Variants in PARM1 observed in about 807,000 individuals in gnomAD.
PARM1 encodes the protein WSC4, cell wall integrity and stress response component 4 homolog.
In PARM1, 14 loss-of-function variants were observed where a neutral mutation model predicts 24.6. That is an observed-to-expected ratio of 0.57 (90% CI 0.38 to 0.89). The LOEUF is 0.89. PARM1 is among the 40% of genes least tolerant of loss of function. The pLI is 0.00. For synonymous variants in PARM1, 179 were observed against 156.6 expected, an observed-to-expected ratio of 1.14 and a Z score of -1.07; for missense variants, 362 against 380.4, an observed-to-expected ratio of 0.95 and a Z score of 0.40.
rs145572729 is a variant in PARM1, at chr4:74,965,646, TC to T, written c.43+32277del. Reference sequence around the variant, plus strand: ...GAGCAAAAGTTGCCACATCAAAAAGTCATCTCAAAAACATGACTGTGTGATA... The same window carrying T: ...GAGCAAAAGTTGCCACATCAAAAAGTATCTCAAAAACATGACTGTGTGATA... On this transcript the variant is annotated intron_variant, in intron 1 of 3. Coordinates refer to ENST00000307428, the MANE Select transcript of PARM1 (RefSeq NM_015393.4). 2.6e-3 allele frequency among the ~76,000 whole-genome samples: 402 copies of T among 152,270 alleles called. 2 individuals are homozygous for T. Among genetic ancestry groups the T allele is most frequent in the African/African-American group, 9.0e-3 (374 of 41,548 alleles).
chr4:75,035,981 G>A (rs961186484), intron 3 of PARM1, among the ~76,000 whole-genome samples: 16 of 152,188 alleles, frequency 1.1e-4, no homozygotes, highest in Admixed American at 2.0e-4. Flanking sequence ...CAGATACACC[G>A]TATTTTAATT....
At chr4:75,010,620 G>C (rs1347785523) in intron 1 of PARM1, among the ~76,000 whole-genome samples, 3 of 152,180 alleles carry the variant, frequency 2.0e-5, no homozygotes, top group African/African-American at 7.2e-5. Flanking sequence ...TTGAGGAAGA[G>C]GTGACACAAT....
chr4:74,999,342 C>T (rs1409829102), intron 1 of PARM1, among the ~76,000 whole-genome samples: 1 of 152,202 alleles, frequency 6.6e-6, no homozygotes, highest in Non-Finnish European at 1.5e-5. Context: ...CCAGTCCTTT[C>T]CTTTCAGCAT....
chr4:75,034,513 C>T (rs1404952058), intron 3 of PARM1, among the ~76,000 whole-genome samples: 1 of 152,120 alleles, frequency 6.6e-6, no homozygotes, highest in African/African-American at 2.4e-5. Flanking sequence ...TTTAAAATAT[C>T]TTTTCTCCTA....
At chr4:74,982,967 C>T (rs145738114) in intron 1 of PARM1, among the ~76,000 whole-genome samples, 2 of 152,076 alleles carry the variant, frequency 1.3e-5, no homozygotes. Flanking sequence ...AACACTGCAA[C>T]AGGAAAAAAA....
intron 1 of PARM1, among the ~76,000 whole-genome samples, chr4:74,964,534 T>C (rs2109991144): frequency 6.8e-6 from 1 of 147,352 alleles, no homozygotes; most frequent in Admixed American, 6.7e-5. Context: ...GTAAATCAAC[T>C]CCTTCCACAC....
At position 74,958,032 on chromosome 4, in the gene PARM1, G is replaced by A. The variant is rs528679361; in HGVS notation, c.43+24662G>A. Among the ~76,000 whole-genome samples, 7 of 152,210 alleles carry A rather than the reference G, an allele frequency of 4.6e-5. No individual in the cohort carries two copies. In the East Asian group the frequency reaches 1.4e-3, roughly 29 times the overall value. Reference sequence around the variant, plus strand: ...TGGCAGACTACTCATAGAGAGGCTTGGGAATAACTACTTATCTCAGAAATA... The same window carrying A: ...TGGCAGACTACTCATAGAGAGGCTTAGGAATAACTACTTATCTCAGAAATA... On this transcript the variant is annotated intron_variant, in intron 1 of 3. Coordinates refer to ENST00000307428, the MANE Select transcript of PARM1 (RefSeq NM_015393.4).
chr4:75,035,439 C>T (rs1177225336), intron 3 of PARM1, among the ~76,000 whole-genome samples: 1 of 152,156 alleles, frequency 6.6e-6, no homozygotes, highest in African/African-American at 2.4e-5. Context: ...CACAGACACC[C>T]CTGACTTGTC....
chr4:75,007,992 T>A (rs1427377956), intron 1 of PARM1, among the ~76,000 whole-genome samples: 2 of 152,180 alleles, frequency 1.3e-5, no homozygotes, highest in Non-Finnish European at 2.9e-5. Context: ...AAATTTCTGT[T>A]GTTTAAGCCA....
chr4:74,989,209 C>G (rs1722415053), intron 1 of PARM1, among the ~76,000 whole-genome samples: 1 of 152,120 alleles, frequency 6.6e-6, no homozygotes, highest in Admixed American at 6.6e-5. Context: ...TACTATCTAC[C>G]TGAAGATAGT....
At chr4:75,033,414 A>G (rs1008567056) in intron 2 of PARM1, among the ~76,000 whole-genome samples, 3 of 152,192 alleles carry the variant, frequency 2.0e-5, no homozygotes, top group African/African-American at 7.2e-5. Context: ...CGAAAAAAAC[A>G]TTACTTTGCA....
rs186531326 is a variant in PARM1 at position 74,987,039 on chromosome 4, A to G, written c.44-25386A>G. On this transcript the variant is annotated intron_variant, in intron 1 of 3. Transcript: ENST00000307428. ...ATTGAGTTCTATGAACATTAATTGA[A>G]ATAGGACCTAATACATACTAAATGT... Among the ~76,000 whole-genome samples, 507 of 152,268 alleles carry G rather than the reference A, an allele frequency of 3.3e-3. 6 individuals are homozygous for G. The highest frequency in any genetic ancestry group is 0.011 in the African/African-American group (473 of 41,548).
intron 2 of PARM1, among the ~76,000 whole-genome samples, chr4:75,020,031 A>G (rs1358634450): frequency 6.6e-6 from 1 of 150,820 alleles, no homozygotes; most frequent in Non-Finnish European, 1.5e-5. Flanking sequence ...AAAAAAAAAA[A>G]AAAAAAGAAA....
At chr4:74,959,470 C>T (rs1001497611) in intron 1 of PARM1, among the ~76,000 whole-genome samples, 3 of 152,150 alleles carry the variant, frequency 2.0e-5, no homozygotes, top group African/African-American at 7.2e-5. Flanking sequence ...ACTCAGCCAC[C>T]TTTCCTCCCC....
intron 1 of PARM1, among the ~76,000 whole-genome samples, chr4:75,010,585 T>G (rs1198349182): frequency 7.9e-5 from 12 of 152,154 alleles, no homozygotes; most frequent in Admixed American, 7.2e-4. Context: ...AAAGAATTAG[T>G]TAAGGCTTGT....
intron 1 of PARM1, among the ~76,000 whole-genome samples, chr4:74,990,966 A>C (rs1203297552): frequency 1.3e-5 from 2 of 152,162 alleles, no homozygotes; most frequent in Non-Finnish European, 2.9e-5. Context: ...AAAGACCAAA[A>C]GGATGCAGTA....
chr4:75,024,663 C>G (rs537048421), intron 2 of PARM1, among the ~76,000 whole-genome samples: 1 of 152,252 alleles, frequency 6.6e-6, no homozygotes, highest in East Asian at 1.9e-4. Context: ...CATATGCAAA[C>G]TTTTCTCGTT....
chr4:74,941,128 A>G (rs1416279732), intron 1 of PARM1, among the ~76,000 whole-genome samples: 1 of 152,234 alleles, frequency 6.6e-6, no homozygotes, highest in Non-Finnish European at 1.5e-5. Flanking sequence ...ACATCAAGAC[A>G]TATACTTTTA....
At chr4:75,030,414 A>C (rs990762963) in intron 2 of PARM1, among the ~76,000 whole-genome samples, 1 of 152,168 alleles carries the variant, frequency 6.6e-6, no homozygotes, top group African/African-American at 2.4e-5. Context: ...AGCCCAAAGT[A>C]ATCATCTGCA....
Sources: gnomAD v4.1 joint callset for allele counts (sites outside exome capture counted in the v4.1 genomes callset) on GRCh38, gnomAD v4.1.1 for gene constraint, MANE v1.5 for transcripts, NCBI Gene and HGNC (gene_info 2026-07-23, HGNC 2026-07-21) for gene names.